UNC13C: variants seen among roughly 807,000 people sequenced by gnomAD.
The protein encoded by UNC13C is unc-13 homolog C.
A neutral mutation model predicts 245.4 loss-of-function variants in UNC13C; 174 were observed. That is an observed-to-expected ratio of 0.71 (90% CI 0.63 to 0.80). The LOEUF (loss-of-function observed/expected upper bound fraction) is 0.80, where lower values mean the gene tolerates loss of function less well. Ranked by LOEUF, UNC13C falls within the 30% of genes least tolerant of loss-of-function variation. The pLI, the probability that UNC13C is intolerant of heterozygous loss-of-function variation, is 0.00. For synonymous variants in UNC13C, 992 were observed against 895.1 expected (o/e 1.11, Z -1.93); for missense variants, 2,829 against 2,602.9 (o/e 1.09, Z -1.89).
At chr15:54,289,758 G>A (rs2037246400) in intron 10 of UNC13C, among the ~76,000 whole-genome samples, 1 of 151,948 alleles carries the variant, frequency 6.6e-6, no homozygotes. Context: ...GGACTAAATA[G>A]TACTGTGAAA....
intron 2 of UNC13C, among the ~76,000 whole-genome samples, chr15:54,028,625 A>G (rs1180301064): frequency 1.3e-5 from 2 of 150,558 alleles, no homozygotes; most frequent in Non-Finnish European, 2.9e-5. Context: ...CCAGTGGTCA[A>G]CCATGACTCA....
Position 54,413,397 on chromosome 15 carries a change from G to A in UNC13C, c.4848-1585G>A, listed in dbSNP as rs553234916. On this transcript the variant is annotated intron_variant, in intron 18 of 32. Coordinates refer to ENST00000260323, the MANE Select transcript of UNC13C (RefSeq NM_001080534.3). The stretch of plus-strand genomic sequence containing the variant: ...TTATATCACTTATAATTTTGATGCC[G>A]CATATTAATTACATAAAATCTAATG... Among the ~76,000 whole-genome samples, 15 of 152,008 alleles carry A rather than the reference G, an allele frequency of 9.9e-5. No homozygotes were observed. The East Asian group carries it at 1.9e-3, about 20-fold the overall frequency.
chr15:54,497,446 G>T (rs2141093382), intron 20 of UNC13C, among the ~76,000 whole-genome samples: 1 of 152,236 alleles, frequency 6.6e-6, no homozygotes, highest in African/African-American at 2.4e-5. Context: ...GCTTGGATTT[G>T]TGAGACCAAG....
Position 54,522,797 on chromosome 15 carries a change from T to G in UNC13C, c.5458-2752T>G, listed in dbSNP as rs535183571. Among the ~76,000 whole-genome samples the G allele has an allele frequency of 7.2e-5, 11 of 152,312 alleles. No homozygotes were observed. The East Asian group carries it at 2.1e-3, about 29-fold the overall frequency. On this transcript the variant is annotated intron_variant, in intron 24 of 32. Coordinates refer to ENST00000260323, the MANE Select transcript of UNC13C (RefSeq NM_001080534.3). ...TATTCCTCATTACATAGAAACTTTA[T>G]TTTTTTAGCCAGCCAACCAATTAAG...
intron 19 of UNC13C, among the ~76,000 whole-genome samples, chr15:54,487,766 C>CAAAAAAAAAAAA (rs5812760): frequency 1.6e-5 from 1 of 62,766 alleles, no homozygotes. Flanking sequence ...GATTCCATCT[C>CAAAAAAAAAAAA]AAAAAAAAAA....
At chr15:54,401,684 A>C (rs1451094542) in intron 18 of UNC13C, among the ~76,000 whole-genome samples, 1 of 152,038 alleles carries the variant, frequency 6.6e-6, no homozygotes, top group Non-Finnish European at 1.5e-5. Context: ...AGATACAAGA[A>C]TAGCAGAGTC....
At chr15:54,364,524 T>G (rs1385689876) in intron 17 of UNC13C, among the ~76,000 whole-genome samples, 2 of 152,144 alleles carry the variant, frequency 1.3e-5, no homozygotes, top group Non-Finnish European at 2.9e-5. Flanking sequence ...TAAATTCAAT[T>G]TAGTATCATC....
chr15:54,195,298 A>G (rs1223457040), intron 4 of UNC13C, among the ~76,000 whole-genome samples: 1 of 152,198 alleles, frequency 6.6e-6, no homozygotes, highest in African/African-American at 2.4e-5. Flanking sequence ...GCTGGCAGAT[A>G]AAATGTATGC....
chr15:54,192,920 A>AC, intron 4 of UNC13C, among the ~76,000 whole-genome samples: 1 of 151,870 alleles, frequency 6.6e-6, no homozygotes, highest in African/African-American at 2.4e-5. Flanking sequence ...ACACACACAC[A>AC]AACACAAACA....
In UNC13C at chr15:54,455,439, G is replaced by C. The variant is rs118163822; in HGVS notation, c.4934-39169G>C. ...TAGTTCTTTAAGGAATCTCCATACT[G>C]TGTTTCCACAGTGGTTTTACTAGTT... On this transcript the variant is annotated intron_variant, in intron 19 of 32. Transcript: ENST00000260323. Among the ~76,000 whole-genome samples the C allele has an allele frequency of 8.4e-3, 1,262 of 149,830 alleles. 4 individuals are homozygous for C. Among genetic ancestry groups the C allele is most frequent in the Admixed American group, 0.014 (205 of 15,010 alleles).
intron 18 of UNC13C, among the ~76,000 whole-genome samples, 168 bp downstream of exon 18, chr15:54,393,349 T>C (rs774172378): frequency 1.3e-5 from 2 of 151,956 alleles, no homozygotes; most frequent in African/African-American, 4.8e-5. Context: ...AATGATATTA[T>C]GAATTTTTAG....
intron 2 of UNC13C, among the ~76,000 whole-genome samples, chr15:54,124,540 G>T (rs1247151190): frequency 6.6e-6 from 1 of 151,940 alleles, no homozygotes; most frequent in Non-Finnish European, 1.5e-5. Flanking sequence ...TAGTCCTTTG[G>T]TGGATTTGTG....
At chr15:54,359,855 T>C (rs756500532) in intron 17 of UNC13C, among the ~76,000 whole-genome samples, 11 of 151,918 alleles carry the variant, frequency 7.2e-5, no homozygotes, top group Non-Finnish European at 1.5e-4. Context: ...TTTGTTCTGT[T>C]CTCTGTTATT....
At chr15:54,314,163 G>GTA (rs2037950220) in intron 13 of UNC13C, among the ~76,000 whole-genome samples, 1 of 151,558 alleles carries the variant, frequency 6.6e-6, no homozygotes, top group African/African-American at 2.4e-5. Flanking sequence ...GCGGATTGTG[G>GTA]AGCTATTGGT....
At chr15:54,626,272 A>C (rs1371322334) in intron 32 of UNC13C, among the ~76,000 whole-genome samples, 1 of 148,756 alleles carries the variant, frequency 6.7e-6, no homozygotes, top group East Asian at 2.0e-4. Flanking sequence ...ATCGGCATTG[A>C]ATCACCAGGC....
At chr15:54,590,154 A>G (rs1025204898) in intron 30 of UNC13C, among the ~76,000 whole-genome samples, 5 of 152,134 alleles carry the variant, frequency 3.3e-5, no homozygotes, top group African/African-American at 1.2e-4. Flanking sequence ...ATATGTGCCT[A>G]TTTTTATACC....
chr15:54,009,987 C>T (rs1221164325), intron 1 of UNC13C, among the ~76,000 whole-genome samples: 1 of 152,132 alleles, frequency 6.6e-6, no homozygotes, highest in Non-Finnish European at 1.5e-5. Flanking sequence ...CCTCTGCTCC[C>T]CATCAGAGGC....
chr15:53,908,771 G>A, the UNC13C span, among the ~76,000 whole-genome samples: 16 of 68,198 alleles, frequency 2.3e-4, 1 homozygote, highest in South Asian at 5.8e-4. Context: ...AAAAAAAAAA[G>A]TGTATCTAAA....
intron 9 of UNC13C, among the ~76,000 whole-genome samples, chr15:54,264,798 C>G (rs1182115940): frequency 1.3e-5 from 2 of 151,778 alleles, no homozygotes; most frequent in African/African-American, 4.8e-5. Flanking sequence ...GTCCTCGAGT[C>G]AGGACAATTT....
Sources: allele counts gnomAD v4.1 joint callset (sites outside exome capture counted in the v4.1 genomes callset), GRCh38; gene constraint gnomAD v4.1.1; transcripts MANE v1.5; gene names NCBI Gene and HGNC (gene_info 2026-07-23, HGNC 2026-07-21).